The following ATP2A1 variants were observed in gnomAD, a reference collection of about 807,000 sequenced individuals.
ATP2A1 encodes sarcoplasmic/endoplasmic reticulum calcium ATPase 1.
Under a neutral mutation model 109.5 loss-of-function variants are expected in ATP2A1, and 83 were observed. The observed-to-expected ratio is 0.76, with a 90% CI of 0.63 to 0.91. ATP2A1 has a LOEUF of 0.91. Ranked by LOEUF, ATP2A1 falls within the 40% of genes least tolerant of loss-of-function variation. The probability of loss-of-function intolerance (pLI) is 0.00; values close to 1 mark genes in which losing one functional copy is unlikely to be tolerated. For synonymous variants in ATP2A1, 505 were observed against 537.6 expected (o/e 0.94, Z 0.84); for missense variants, 1,101 against 1,341.0 (o/e 0.82, Z 2.80).
chr16:28,894,014 A>T, intron 9 of ATP2A1, 141 bp from the exon 10 acceptor site: 3 of 695,858 alleles, frequency 4.3e-6, no homozygotes, highest in Non-Finnish European at 7.8e-6. Context: ...TGGGTAGGGT[A>T]TACGGGGGGG....
chr16:28,879,267 G>A, intron 2 of ATP2A1, 151 bp downstream of exon 2: 1 of 1,073,924 alleles, frequency 9.3e-7, no homozygotes. Context: ...TCCTGTCCGG[G>A]GCAGAAGTCT....
rs1963417134 is a variant in ATP2A1 at position 28,880,112 on chromosome 16, C to CGG, written c.219+529_219+530insGG. On this transcript the variant is annotated intron_variant, in intron 3 of 22. Transcript: ENST00000395503. The surrounding 1 kb of genome is among the most constrained non-coding windows in gnomAD (Gnocchi z 4.2). ...GGCGCCCGGTCAGGGAGGGCACTGG[C>CGG]ATCCCTCATTACCCGCCCAGCCTGG... The CGG allele has an allele frequency of 1.0e-6, 1 of 997,204 alleles. No homozygotes were observed. The highest frequency in any genetic ancestry group is 1.2e-6 in the Non-Finnish European group (1 of 839,348). 61.8% of individuals were successfully genotyped at this position (997,204 alleles called of 1,614,324 possible).
intron 6 of ATP2A1, 70 bp downstream of exon 6, chr16:28,884,725 G>GAGT: frequency 7.0e-7 from 1 of 1,424,678 alleles, no homozygotes; most frequent in Non-Finnish European, 9.7e-7. Context: ...AGGGGGAGGT[G>GAGT]AGTGGAAAGA....
At chr16:28,892,227 A>G in intron 9 of ATP2A1, 1 of 202,146 alleles carries the variant, frequency 4.9e-6, no homozygotes, top group South Asian at 5.9e-5. Flanking sequence ...CAACATGCAT[A>G]ACTGGAAGGA....
At chr16:28,888,260 T>A (rs1963676287) in intron 8 of ATP2A1, among the ~76,000 whole-genome samples, 1 of 151,664 alleles carries the variant, frequency 6.6e-6, no homozygotes, top group African/African-American at 2.4e-5. Flanking sequence ...CTCGAACTCC[T>A]GGGCTCAAGC....
chr16:28,898,177 C>T lies in ATP2A1; in HGVS notation c.1545+52C>T. On this transcript the variant is annotated intron_variant, in intron 13 of 22. Coordinates refer to ENST00000395503, the MANE Select transcript of ATP2A1 (RefSeq NM_004320.6). The surrounding 1 kb of genome is among the most constrained non-coding windows in gnomAD (Gnocchi z 4.0). ...CCCTCTTCTTCCTACTCCTAGCCAC[C>T]TGTCACTGCCCTGGAAGGAAAGTGG... 1 of 1,614,212 alleles carries T rather than the reference C, an allele frequency of 6.2e-7. No individual in the cohort carries two copies. Among genetic ancestry groups the T allele is most frequent in the Non-Finnish European group, 8.5e-7 (1 of 1,180,026 alleles).
rs2152200656 is a variant in ATP2A1, at chr16:28,883,060, A to G, written c.463+471A>G. Among the ~76,000 whole-genome samples, 1 of 152,220 alleles carries G rather than the reference A, an allele frequency of 6.6e-6. No individual in the cohort carries two copies. Among genetic ancestry groups the G allele is most frequent in the African/African-American group, 2.4e-5 (1 of 41,520 alleles). ...TCGAGCCCCCGACCATGTAAGGGAA[A>G]CTCAGGCCTGGCACAGAGCACGCGA... On this transcript the variant is annotated intron_variant, in intron 5 of 22. Coordinates refer to ENST00000395503, the MANE Select transcript of ATP2A1 (RefSeq NM_004320.6). This position sits in a 1 kb window ranked among gnomAD's most constrained non-coding sequence, Gnocchi z 5.2.
rs758371761 is a variant in ATP2A1 at position 28,894,941 on chromosome 16, C to T, written c.1407C>T (p.Asn469=). 24 of 1,611,796 alleles carry T rather than the reference C, an allele frequency of 1.5e-5. No homozygotes were observed. The highest frequency in any genetic ancestry group is 2.7e-5 in the African/African-American group (2 of 74,914). ...VRSLSKVERA[N]ACNSVIRQLM... Reference sequence around the variant, plus strand: ...GCCTCTCGAAGGTGGAGAGAGCCAACGCCTGCAACTCGGTGAGCCTGCGGA... The same window carrying T: ...GCCTCTCGAAGGTGGAGAGAGCCAATGCCTGCAACTCGGTGAGCCTGCGGA... The change falls in exon 12 of 23, where the codon AAC becomes AAT. Residue 469 remains asparagine (N), a synonymous_variant. Transcript: ENST00000395503.
At position 28,883,581 on chromosome 16, in the gene ATP2A1, GA is replaced by G. The variant is rs1409745259; in HGVS notation, c.464-992del. 6.6e-6 allele frequency among the ~76,000 whole-genome samples: 1 copy of G among 152,188 alleles called. No homozygotes were observed. The highest frequency in any genetic ancestry group is 1.5e-5 in the Non-Finnish European group (1 of 68,038). On this transcript the variant is annotated intron_variant, in intron 5 of 22. Transcript: ENST00000395503. This position sits in a 1 kb window ranked among gnomAD's most constrained non-coding sequence, Gnocchi z 5.2. Reference sequence around the variant, plus strand: ...CAGTACCATCCGTGGGACCAGTGCGGAATTAGGCAGCGGCCCTGGGAGATTC... The same window carrying G: ...CAGTACCATCCGTGGGACCAGTGCGGATTAGGCAGCGGCCCTGGGAGATTC...
Position 28,896,261 on chromosome 16 carries a change from G to A in ATP2A1, c.1419+1308G>A, listed in dbSNP as rs149336523. Among the ~76,000 whole-genome samples the A allele has an allele frequency of 6.2e-3, 948 of 152,162 alleles. 12 individuals carry two copies. The highest frequency in any genetic ancestry group is 0.022 in the African/African-American group (895 of 41,484). ...GTCTGTCTGTTTTGAGAGTCTTGCGGTGTCACACATTCTGGAGTACAGTGG... is the reference window on the plus strand; with the variant it reads ...GTCTGTCTGTTTTGAGAGTCTTGCGATGTCACACATTCTGGAGTACAGTGG... On this transcript the variant is annotated intron_variant, in intron 12 of 22. Transcript: ENST00000395503.
In ATP2A1 at chr16:28,882,539, A is replaced by AAAGGAT. The variant is rs1339679401; in HGVS notation, c.414_419dup (p.Arg139_Ile140dup). On this transcript the variant is annotated inframe_insertion, in exon 5 of 23. Coordinates refer to ENST00000395503, the MANE Select transcript of ATP2A1 (RefSeq NM_004320.6). ...TACCGGGCTGACCGCAAGTCAGTGC[A>AAAGGAT]AAGGATCAAGGCTCGGGACATCGTC... 6.2e-7 allele frequency: 1 copy of AAAGGAT among 1,614,226 alleles called. No individual in the cohort carries two copies. The highest frequency in any genetic ancestry group is 1.7e-5 in the Admixed American group (1 of 60,036).
chr16:28,883,244 C>A lies in ATP2A1; in HGVS notation c.463+655C>A, dbSNP rs1963536747. On this transcript the variant is annotated intron_variant, in intron 5 of 22. Transcript: ENST00000395503. The surrounding 1 kb of genome is among the most constrained non-coding windows in gnomAD (Gnocchi z 5.2). The stretch of plus-strand genomic sequence containing the variant: ...GAGCAGGCCTTCCCGAAGCTCCAGG[C>A]CCCTGCCAGGGGGAATGGCTCTTCA... Among the ~76,000 whole-genome samples, 1 of 152,198 alleles carries A rather than the reference C, an allele frequency of 6.6e-6. No individual in the cohort carries two copies. Among genetic ancestry groups the A allele is most frequent in the Admixed American group, 6.5e-5 (1 of 15,284 alleles).
At chr16:28,887,065 C>A in intron 6 of ATP2A1, 124 bp from the exon 7 acceptor site, 1 of 931,188 alleles carries the variant, frequency 1.1e-6, no homozygotes, top group Non-Finnish European at 1.7e-6. Flanking sequence ...GTCCAGACAT[C>A]CCCCAGGATG....
rs775150157 is a variant in ATP2A1, at chr16:28,903,275, G to A, written c.2863-48G>A. The A allele has an allele frequency of 6.3e-7, 1 of 1,581,014 alleles. No homozygotes were observed. Among genetic ancestry groups the A allele is most frequent in the Non-Finnish European group, 8.7e-7 (1 of 1,150,416 alleles). On this transcript the variant is annotated intron_variant, in intron 20 of 22. Coordinates refer to ENST00000395503, the MANE Select transcript of ATP2A1 (RefSeq NM_004320.6). This position sits in a 1 kb window ranked among gnomAD's most constrained non-coding sequence, Gnocchi z 5.6. ...AGTGGGCTGGGCAGTGCTGGTCTCT[G>A]GCTCCCTCCCCACCCCCTCCTGAGA...
intron 10 of ATP2A1, 123 bp downstream of exon 10, chr16:28,894,366 TCTCTC>T (rs1214766599): frequency 7.8e-7 from 1 of 1,288,946 alleles, no homozygotes; most frequent in Non-Finnish European, 1.1e-6. Flanking sequence ...GACCTTGTTC[TCTCTC>T]CTGATATCCG....
At position 28,895,084 on chromosome 16, in the gene ATP2A1, T is replaced by G. The variant is rs568651565; in HGVS notation, c.1419+131T>G. 7 of 1,353,322 alleles carry G rather than the reference T, an allele frequency of 5.2e-6. No homozygotes were observed. The East Asian group carries it at 1.4e-4, about 28-fold the overall frequency. 83.8% of individuals were successfully genotyped at this position (1,353,322 alleles called of 1,614,324 possible). ...CCCCACCCAGGCAGCAGACAGCCCC[T>G]GCAGCTTCTCCACAGGCTGATGTGG... On this transcript the variant is annotated intron_variant, in intron 12 of 22. Coordinates refer to ENST00000395503, the MANE Select transcript of ATP2A1 (RefSeq NM_004320.6).
chr16:28,880,852 C>T lies in ATP2A1; in HGVS notation c.220-63C>T. On this transcript the variant is annotated intron_variant, in intron 3 of 22. Coordinates refer to ENST00000395503, the MANE Select transcript of ATP2A1 (RefSeq NM_004320.6). The surrounding 1 kb of genome is among the most constrained non-coding windows in gnomAD (Gnocchi z 4.2). ...CAGTTCTCCCCTTTGCAGTGGTCCA[C>T]TTCCTTTCTCCATCTGTTTTGGGGC... 6.7e-7 allele frequency: 1 copy of T among 1,483,530 alleles called. No individual in the cohort carries two copies. The highest frequency in any genetic ancestry group is 9.4e-7 in the Non-Finnish European group (1 of 1,061,252). 91.9% of individuals were successfully genotyped at this position (1,483,530 alleles called of 1,614,324 possible).
intron 4 of ATP2A1, among the ~76,000 whole-genome samples, chr16:28,882,100 C>CTTTTTT (rs778416146): frequency 5.5e-5 from 5 of 90,372 alleles, no homozygotes; most frequent in African/African-American, 1.9e-4. Context: ...CTACGCCCGG[C>CTTTTTT]TTTTTTTTTT....
chr16:28,887,545 C>A lies in ATP2A1; in HGVS notation c.751C>A (p.Gln251Lys). The A allele has an allele frequency of 1.2e-6, 2 of 1,614,040 alleles. No homozygotes were observed. The highest frequency in any genetic ancestry group is 2.2e-5 in the South Asian group (2 of 91,060). ...ATEQDKTPLQ[Q>K]KLDEFGEQLS... ...AGAACAGGACAAGACCCCCTTGCAG[C>A]AGAAGCTGGATGAGTTTGGGGAGCA... is the stretch of plus-strand genomic sequence containing the variant. The change falls in exon 8 of 23, where the codon CAG becomes AAG. Residue 251 changes from glutamine (Q) to lysine (K), a missense_variant. By Grantham distance (53) the Gln-to-Lys change is moderately conservative. Coordinates refer to ENST00000395503, the MANE Select transcript of ATP2A1 (RefSeq NM_004320.6).
Sources: gnomAD v4.1 joint callset for allele counts (sites outside exome capture counted in the v4.1 genomes callset) on GRCh38, gnomAD v4.1.1 for gene constraint, Gnocchi (gnomAD v3.1) non-coding constraint, MANE v1.5 for transcripts, NCBI Gene and HGNC (gene_info 2026-07-23, HGNC 2026-07-21) for gene names.